The following SLC39A11 variants were observed in gnomAD, a reference collection of about 807,000 sequenced individuals.
SLC39A11 encodes the protein zinc transporter ZIP11.
SLC39A11 carries 33 observed loss-of-function variants against 36.1 expected under a neutral mutation model. The observed-to-expected ratio is 0.91, with a 90% CI of 0.69 to 1.22. The LOEUF (loss-of-function observed/expected upper bound fraction) is 1.22. SLC39A11 is among the 50% of genes most tolerant of loss of function. SLC39A11 has a pLI of 0.00. For synonymous variants in SLC39A11, 166 were observed against 170.3 expected (o/e 0.97, Z 0.20); for missense variants, 432 against 430.3 (o/e 1.00, Z -0.03).
rs568963321 is a variant in SLC39A11 at position 72,874,690 on chromosome 17, C to T, written c.431-24886G>A. Among the ~76,000 whole-genome samples, 8 of 152,266 alleles carry T rather than the reference C, an allele frequency of 5.3e-5. No individual in the cohort carries two copies. The South Asian group carries it at 1.0e-3, about 20-fold the overall frequency. The stretch of plus-strand genomic sequence containing the variant: ...CAGGGAACACCCTGAGAGGAAAGAG[C>T]GAGCCCTGAAAAATGAGCAGAAGTA... On this transcript the variant is annotated intron_variant, in intron 5 of 9. Transcript: ENST00000255559.
chr17:72,994,576 TAA>T (rs1268650267), intron 4 of SLC39A11, among the ~76,000 whole-genome samples: 12 of 152,220 alleles, frequency 7.9e-5, no homozygotes, highest in African/African-American at 2.2e-4. Context: ...GTTTGTTGTA[TAA>T]AGTTTTTTAC....
chr17:73,030,644 G>A (rs1332633018), intron 4 of SLC39A11, among the ~76,000 whole-genome samples: 1 of 152,220 alleles, frequency 6.6e-6, no homozygotes, highest in Admixed American at 6.5e-5. Flanking sequence ...GGGGAGCAGG[G>A]AACTCTGGCA....
rs1331811422 is a variant in SLC39A11, at chr17:72,729,433, ATATATATATATATATATATATATATTTTT to A, written c.671+7188_671+7216del. Among the ~76,000 whole-genome samples, 19 of 2,396 alleles carry A rather than the reference ATATATATATATATATATATATATATTTTT, an allele frequency of 7.9e-3. 2 individuals are homozygous for A. Among genetic ancestry groups the A allele is most frequent in the Admixed American group, 0.014 (2 of 142 alleles). The allele number at this position is 2,396 out of a possible 152,430, so 1.6% of individuals were successfully genotyped here. A position where few individuals can be genotyped will look rare whatever the true frequency, so the allele number is the denominator to read the frequency against. ...TATATATATATATATATATATATAT[ATATATATATATATATATATATATATTTTT>A]TTTTTTTTTTTTTTTTGTAGAGACA... On this transcript the variant is annotated intron_variant, in intron 7 of 9. Coordinates refer to ENST00000255559, the MANE Select transcript of SLC39A11 (RefSeq NM_139177.4).
intron 4 of SLC39A11, among the ~76,000 whole-genome samples, chr17:72,973,069 T>TA (rs1001507675): frequency 2.0e-5 from 3 of 151,148 alleles, no homozygotes; most frequent in African/African-American, 7.3e-5. Flanking sequence ...AAGCCCACCA[T>TA]AAATACCCCA....
chr17:72,925,408 C>T (rs764648671), intron 5 of SLC39A11, among the ~76,000 whole-genome samples: 24 of 152,068 alleles, frequency 1.6e-4, no homozygotes, highest in Middle Eastern at 6.8e-3. Context: ...TATTTATGAC[C>T]AGGAGGGAAG....
intron 5 of SLC39A11, among the ~76,000 whole-genome samples, chr17:72,931,961 C>A (rs1035967947): frequency 6.6e-6 from 1 of 152,180 alleles, no homozygotes; most frequent in Non-Finnish European, 1.5e-5. Flanking sequence ...CCTGCTCTCA[C>A]CACAGACATG....
intron 4 of SLC39A11, among the ~76,000 whole-genome samples, chr17:73,012,895 T>C (rs1472446550): frequency 3.3e-5 from 5 of 151,934 alleles, no homozygotes; most frequent in Non-Finnish European, 7.4e-5. Flanking sequence ...ACCTCCCAGG[T>C]TCAAGCGATT....
chr17:72,900,194 AAAG>A (rs2082304874), intron 5 of SLC39A11, among the ~76,000 whole-genome samples: 1 of 149,554 alleles, frequency 6.7e-6, no homozygotes, highest in South Asian at 2.1e-4. Context: ...AGAAAGAAAG[AAAG>A]AAAGAAAGAA....
At chr17:72,974,394 C>T (rs2087688106) in intron 4 of SLC39A11, among the ~76,000 whole-genome samples, 1 of 149,348 alleles carries the variant, frequency 6.7e-6, no homozygotes, top group Non-Finnish European at 1.5e-5. Flanking sequence ...GCCACCACAC[C>T]CGGCCTAATG....
chr17:72,866,087 G>T (rs1001565928), intron 5 of SLC39A11, among the ~76,000 whole-genome samples: 2 of 152,180 alleles, frequency 1.3e-5, no homozygotes, highest in African/African-American at 2.4e-5. Flanking sequence ...TGCACAGCAG[G>T]GGGTGAGCGG....
intron 7 of SLC39A11, among the ~76,000 whole-genome samples, chr17:72,684,114 G>A (rs551110586): frequency 1.3e-5 from 2 of 152,170 alleles, no homozygotes; most frequent in East Asian, 3.9e-4. Context: ...GGAGCCACAG[G>A]GCTCTTTCCC....
At chr17:72,992,104 C>G (rs1027319139) in intron 4 of SLC39A11, among the ~76,000 whole-genome samples, 6 of 152,162 alleles carry the variant, frequency 3.9e-5, no homozygotes, top group African/African-American at 1.4e-4. Context: ...GTAATCCCAG[C>G]ACTTTGGGAG....
At chr17:72,969,144 G>C (rs778622881) in intron 4 of SLC39A11, among the ~76,000 whole-genome samples, 1 of 152,300 alleles carries the variant, frequency 6.6e-6, no homozygotes. Context: ...GAAGGTTACA[G>C]GGTTTGACAT....
At chr17:72,859,333 G>C (rs1384098662) in intron 5 of SLC39A11, among the ~76,000 whole-genome samples, 1 of 128,258 alleles carries the variant, frequency 7.8e-6, no homozygotes, top group Admixed American at 7.7e-5. Flanking sequence ...ATAAAACCAA[G>C]ATTGTTTTAG....
chr17:72,780,287 C>G (rs749440813), intron 6 of SLC39A11, among the ~76,000 whole-genome samples: 1 of 152,160 alleles, frequency 6.6e-6, no homozygotes, highest in African/African-American at 2.4e-5. Context: ...CAAGGGAGAG[C>G]TGGTGTAAAC....
chr17:72,803,904 A>C (rs1227632515), intron 6 of SLC39A11, among the ~76,000 whole-genome samples: 1 of 150,568 alleles, frequency 6.6e-6, no homozygotes, highest in East Asian at 2.0e-4. Context: ...ACTCTTACCA[A>C]CTTTCCACAC....
chr17:72,904,654 T>A (rs116232312), intron 5 of SLC39A11, among the ~76,000 whole-genome samples: 1,977 of 152,296 alleles, frequency 0.013, 55 homozygotes, highest in African/African-American at 0.042. Context: ...GGGCTCTAAC[T>A]GGGCCCCGGT....
At chr17:72,880,317 C>T (rs1338063476) in intron 5 of SLC39A11, among the ~76,000 whole-genome samples, 2 of 152,106 alleles carry the variant, frequency 1.3e-5, no homozygotes, top group African/African-American at 4.8e-5. Flanking sequence ...GCCTGTAATC[C>T]CAACACTTTG....
chr17:72,788,251 C>T (rs879669422), intron 6 of SLC39A11, among the ~76,000 whole-genome samples: 23 of 152,220 alleles, frequency 1.5e-4, no homozygotes, highest in African/African-American at 5.3e-4. Context: ...GGCCTCTCTG[C>T]TATGCATCCA....
Sources: allele counts gnomAD v4.1 joint callset (sites outside exome capture counted in the v4.1 genomes callset), GRCh38; gene constraint gnomAD v4.1.1; transcripts MANE v1.5; gene names NCBI Gene and HGNC (gene_info 2026-07-23, HGNC 2026-07-21).